CAMKK1: variants seen among roughly 807,000 people sequenced by gnomAD.
The protein encoded by CAMKK1 is calcium/calmodulin-dependent protein kinase kinase 1.
In CAMKK1, 20 loss-of-function variants were observed where a neutral mutation model predicts 63.5. The observed-to-expected ratio is 0.32, with a 90% CI of 0.22 to 0.46. The LOEUF is 0.46. Ranked by LOEUF, CAMKK1 falls within the 20% of genes least tolerant of loss-of-function variation. The pLI is 1.00. For synonymous variants in CAMKK1, 253 were observed against 269.0 expected (o/e 0.94, Z 0.58); for missense variants, 588 against 658.1 (o/e 0.89, Z 1.17).
chr17:3,876,757 G>GTTTT (rs59503016), intron 9 of CAMKK1, among the ~76,000 whole-genome samples: 3 of 101,354 alleles, frequency 3.0e-5, no homozygotes, highest in African/African-American at 5.8e-5. Flanking sequence ...TTTTTTTTTG[G>GTTTT]TTTTTTTTTT....
Position 3,882,624 on chromosome 17 carries a change from A to G in CAMKK1, c.649-60T>C. ...GAGGAGGCGTGGGGTTGGAGGTCCC[A>G]GGCCTCCTGGTCCTTGCCAGCCCCA... On this transcript the variant is annotated intron_variant, in intron 6 of 15. Transcript: ENST00000348335. This position sits in a 1 kb window ranked among gnomAD's most constrained non-coding sequence, Gnocchi z 4.3. The G allele has an allele frequency of 1.3e-6, 2 of 1,492,780 alleles. No homozygotes were observed. Among genetic ancestry groups the G allele is most frequent in the Admixed American group, 1.9e-5 (1 of 51,874 alleles). 92.5% of individuals were successfully genotyped at this position (1,492,780 alleles called of 1,614,324 possible).
rs1042792590 is a variant in CAMKK1, at chr17:3,890,131, T to C, written c.-44+2808A>G. On this transcript the variant is annotated intron_variant, in intron 1 of 15. Coordinates refer to ENST00000348335, the MANE Select transcript of CAMKK1 (RefSeq NM_032294.3). This position sits in a 1 kb window ranked among gnomAD's most constrained non-coding sequence, Gnocchi z 6.5. ...TCCTCCCATGCCTGGGCCGCCTCAC[T>C]GGAGCTGTGTTTATGATCCTGGCGA... Among the ~76,000 whole-genome samples the C allele has an allele frequency of 6.6e-6, 1 of 152,224 alleles. No homozygotes were observed. Among genetic ancestry groups the C allele is most frequent in the African/African-American group, 2.4e-5 (1 of 41,450 alleles).
intron 1 of CAMKK1, among the ~76,000 whole-genome samples, chr17:3,891,147 T>C (rs1321786258): frequency 6.6e-6 from 1 of 150,442 alleles, no homozygotes; most frequent in Non-Finnish European, 1.5e-5. Context: ...GCCAGGGACA[T>C]GGACGCCTGG....
At position 3,883,594 on chromosome 17, in the gene CAMKK1, G is replaced by T; in HGVS notation, c.463-114C>A. ...ACACTGGACATCTGCTACTGGCCCT[G>T]AGGGTGTGGCCCAGGTAAGTGTTAA... On this transcript the variant is annotated intron_variant, in intron 4 of 15. Transcript: ENST00000348335. This position sits in a 1 kb window ranked among gnomAD's most constrained non-coding sequence, Gnocchi z 4.7. 1.1e-6 allele frequency: 1 copy of T among 925,930 alleles called. No homozygotes were observed. The highest frequency in any genetic ancestry group is 1.8e-6 in the Non-Finnish European group (1 of 557,440). 57.4% of individuals were successfully genotyped at this position (925,930 alleles called of 1,614,324 possible).
At chr17:3,885,297 C>T in intron 2 of CAMKK1, 31 bp downstream of exon 2, 1 of 1,549,976 alleles carries the variant, frequency 6.5e-7, no homozygotes, top group African/African-American at 1.4e-5. Context: ...CTGAGGGGCT[C>T]ATGAACAACC....
At chr17:3,865,880 C>A (rs767648963) in intron 15 of CAMKK1, 28 bp downstream of exon 15, 1 of 1,613,484 alleles carries the variant, frequency 6.2e-7, no homozygotes, top group Non-Finnish European at 8.5e-7. Context: ...AGGGAGTGCC[C>A]GGCAGTCCCT....
intron 10 of CAMKK1, among the ~76,000 whole-genome samples, chr17:3,874,997 C>T (rs1185670102): frequency 6.6e-6 from 1 of 151,968 alleles, no homozygotes; most frequent in African/African-American, 2.4e-5. Context: ...TGGTGGGCGC[C>T]TGTAGTCCCA....
At position 3,882,313 on chromosome 17, in the gene CAMKK1, T is replaced by A; in HGVS notation, c.685+215A>T. The A allele has an allele frequency of 6.2e-7, 1 of 1,613,804 alleles. No homozygotes were observed. ...TTGCTGCTCAGAGGGAAGCAGGGAG[T>A]GGGGCTTGGCGATATTTGTTGAATC... On this transcript the variant is annotated intron_variant, in intron 7 of 15. Coordinates refer to ENST00000348335, the MANE Select transcript of CAMKK1 (RefSeq NM_032294.3). The surrounding 1 kb of genome is among the most constrained non-coding windows in gnomAD (Gnocchi z 4.3).
intron 8 of CAMKK1, among the ~76,000 whole-genome samples, 177 bp downstream of exon 8, chr17:3,881,450 C>T (rs2055407948): frequency 6.6e-6 from 1 of 152,206 alleles, no homozygotes; most frequent in Non-Finnish European, 1.5e-5. Flanking sequence ...TTCAGCCTCA[C>T]TGACCCCCAT....
chr17:3,881,553 C>T (rs999848583), intron 8 of CAMKK1, 74 bp downstream of exon 8: 2 of 1,426,946 alleles, frequency 1.4e-6, no homozygotes, highest in East Asian at 4.9e-5. Context: ...GACCCCTGGG[C>T]TGGGGACACA....
At chr17:3,871,350 T>G (rs1256193712) in intron 12 of CAMKK1, among the ~76,000 whole-genome samples, 9 of 64,658 alleles carry the variant, frequency 1.4e-4, no homozygotes, top group African/African-American at 5.7e-4. Context: ...TTTTTTTGTT[T>G]TTTTTTTTTT....
intron 10 of CAMKK1, among the ~76,000 whole-genome samples, chr17:3,874,002 C>T (rs763939281): frequency 1.6e-4 from 24 of 152,206 alleles, no homozygotes; most frequent in Non-Finnish European, 2.9e-4. Flanking sequence ...TGGACTCCAG[C>T]GTGTGCTCTC....
chr17:3,862,432 C>T lies in CAMKK1; in HGVS notation c.1446-149G>A. On this transcript the variant is annotated intron_variant, in intron 15 of 15. Coordinates refer to ENST00000348335, the MANE Select transcript of CAMKK1 (RefSeq NM_032294.3). The surrounding 1 kb of genome is among the most constrained non-coding windows in gnomAD (Gnocchi z 4.1). ...CCCAAGCTTGGCCTCCCTCTGGCCT[C>T]CCTACATCACGGCAGTTGCTCCTTG... 2 of 676,362 alleles carry T rather than the reference C, an allele frequency of 3.0e-6. No individual in the cohort carries two copies. Among genetic ancestry groups the T allele is most frequent in the South Asian group, 1.7e-5 (1 of 57,160 alleles). 41.9% of individuals were successfully genotyped at this position (676,362 alleles called of 1,614,324 possible).
At position 3,883,530 on chromosome 17, in the gene CAMKK1, A is replaced by G. The variant is rs758145600; in HGVS notation, c.463-50T>C. Reference sequence around the variant, plus strand: ...CACTACTGTGCAGCCACCAGGGGCTAGAACAGGCTGGTACATGTGGACTGA... The same window carrying G: ...CACTACTGTGCAGCCACCAGGGGCTGGAACAGGCTGGTACATGTGGACTGA... On this transcript the variant is annotated intron_variant, in intron 4 of 15. Transcript: ENST00000348335. This position sits in a 1 kb window ranked among gnomAD's most constrained non-coding sequence, Gnocchi z 4.7. 3.4e-6 allele frequency: 5 copies of G among 1,451,182 alleles called. No homozygotes were observed. Among genetic ancestry groups the G allele is most frequent in the East Asian group, 4.5e-5 (2 of 44,048 alleles). 89.9% of individuals were successfully genotyped at this position (1,451,182 alleles called of 1,614,324 possible). A position where few individuals can be genotyped will look rare whatever the true frequency, so the allele number is the denominator to read the frequency against.
intron 12 of CAMKK1, among the ~76,000 whole-genome samples, chr17:3,871,507 A>T (rs1465687165): frequency 6.7e-6 from 1 of 149,408 alleles, no homozygotes; most frequent in Non-Finnish European, 1.5e-5. Context: ...GGCACCCGCC[A>T]CCACGCCCGG....
intron 14 of CAMKK1, 47 bp from the exon 15 acceptor site, chr17:3,866,058 G>A: frequency 6.2e-7 from 1 of 1,601,524 alleles, no homozygotes; most frequent in Non-Finnish European, 8.5e-7. Flanking sequence ...CAGGCTCCCA[G>A]ACACGCAGCC....
Position 3,882,023 on chromosome 17 carries a change from C to T in CAMKK1, c.686-375G>A. The stretch of plus-strand genomic sequence containing the variant: ...TTCCTAAGCCAGTTCTTCTTCTGCC[C>T]CATTTTCTGAGGCCTCCTCTAAGCC... On this transcript the variant is annotated intron_variant, in intron 7 of 15. Coordinates refer to ENST00000348335, the MANE Select transcript of CAMKK1 (RefSeq NM_032294.3). This position sits in a 1 kb window ranked among gnomAD's most constrained non-coding sequence, Gnocchi z 4.3. The T allele has an allele frequency of 3.8e-6, 2 of 526,340 alleles. No individual in the cohort carries two copies. The allele number at this position is 526,340 out of a possible 1,614,324, so 32.6% of individuals were successfully genotyped here.
At position 3,883,588 on chromosome 17, in the gene CAMKK1, G is replaced by A. The variant is rs1166962525; in HGVS notation, c.463-108C>T. ...AGAGGCACACTGGACATCTGCTACT[G>A]GCCCTGAGGGTGTGGCCCAGGTAAG... On this transcript the variant is annotated intron_variant, in intron 4 of 15. Transcript: ENST00000348335. The surrounding 1 kb of genome is among the most constrained non-coding windows in gnomAD (Gnocchi z 4.7). The A allele has an allele frequency of 4.2e-6, 4 of 942,702 alleles. No individual in the cohort carries two copies. The highest frequency in any genetic ancestry group is 1.7e-5 in the Admixed American group (1 of 58,436). 58.4% of individuals were successfully genotyped at this position (942,702 alleles called of 1,614,324 possible). A position where few individuals can be genotyped will look rare whatever the true frequency, so the allele number is the denominator to read the frequency against.
intron 1 of CAMKK1, 111 bp from the exon 2 acceptor site, chr17:3,885,841 C>T: frequency 1.8e-6 from 2 of 1,113,670 alleles, no homozygotes; most frequent in South Asian, 3.1e-5. Context: ...TGGCTGTTCC[C>T]TCTACCGGGA....
Sources: allele counts gnomAD v4.1 joint callset (sites outside exome capture counted in the v4.1 genomes callset), GRCh38; gene constraint gnomAD v4.1.1; non-coding constraint Gnocchi (gnomAD v3.1); transcripts MANE v1.5; gene names NCBI Gene and HGNC (gene_info 2026-07-23, HGNC 2026-07-21).